Variants in TAFA1 observed in about 807,000 individuals in gnomAD.
TAFA1 encodes TAFA chemokine like family member 1, also known as chemokine-like protein TAFA-1.
TAFA1 carries 4 observed loss-of-function variants against 18.5 expected under a neutral mutation model. That is an observed-to-expected ratio of 0.22 (90% CI 0.11 to 0.49). The LOEUF is 0.49. Ranked by LOEUF, TAFA1 falls within the 20% of genes least tolerant of loss-of-function variation. The probability of loss-of-function intolerance (pLI) is 0.98; values close to 1 mark genes in which losing one functional copy is unlikely to be tolerated. For missense variants in TAFA1, 147 were observed against 169.0 expected, an observed-to-expected ratio of 0.87 and a Z score of 0.72; for synonymous variants, 56 against 55.2, an observed-to-expected ratio of 1.01 and a Z score of -0.06.
intron 2 of TAFA1, among the ~76,000 whole-genome samples, chr3:68,395,148 C>T (rs556156055): frequency 2.0e-5 from 3 of 152,084 alleles, no homozygotes; most frequent in Non-Finnish European, 4.4e-5. Context: ...TAAACAAACA[C>T]TTTTCAAAAG....
intron 2 of TAFA1, among the ~76,000 whole-genome samples, chr3:68,323,623 G>A (rs919718068): frequency 3.9e-5 from 6 of 152,122 alleles, no homozygotes; most frequent in Admixed American, 3.3e-4. Flanking sequence ...AGCTGAAAGG[G>A]GAGGAGGAAG....
At chr3:68,395,781 G>A (rs532593365) in intron 2 of TAFA1, among the ~76,000 whole-genome samples, 69 of 152,074 alleles carry the variant, frequency 4.5e-4, no homozygotes, top group Non-Finnish European at 9.7e-4. Context: ...TCAGGGAGGG[G>A]AATATCACAC....
intron 2 of TAFA1, among the ~76,000 whole-genome samples, chr3:68,191,882 C>T (rs1048727592): frequency 1.3e-5 from 2 of 151,762 alleles, no homozygotes; most frequent in Non-Finnish European, 2.9e-5. Context: ...TTTTCGTAAA[C>T]TCTTCAATGT....
At chr3:68,353,428 A>G (rs564036800) in intron 2 of TAFA1, among the ~76,000 whole-genome samples, 1 of 152,214 alleles carries the variant, frequency 6.6e-6, no homozygotes, top group Admixed American at 6.6e-5. Context: ...CAAGGACATC[A>G]TGTGATTATT....
chr3:68,513,339 G>A (rs919102363), intron 3 of TAFA1, among the ~76,000 whole-genome samples: 7 of 152,132 alleles, frequency 4.6e-5, no homozygotes, highest in African/African-American at 1.7e-4. Flanking sequence ...CTGTAGGGAT[G>A]GAAATGTTCT....
chr3:68,010,495 G>A (rs1320466646), intron 2 of TAFA1, among the ~76,000 whole-genome samples: 4 of 152,286 alleles, frequency 2.6e-5, no homozygotes, highest in East Asian at 3.9e-4. Flanking sequence ...TTGTGAGGCC[G>A]TGAATTTGTG....
At chr3:68,040,502 CTA>C (rs1385957611) in intron 2 of TAFA1, among the ~76,000 whole-genome samples, 1 of 152,096 alleles carries the variant, frequency 6.6e-6, no homozygotes, top group East Asian at 1.9e-4. Flanking sequence ...AAGAAAGTGC[CTA>C]TATTAATACC....
intron 2 of TAFA1, among the ~76,000 whole-genome samples, chr3:68,263,323 A>C (rs1182026578): frequency 6.6e-6 from 1 of 151,988 alleles, no homozygotes; most frequent in Non-Finnish European, 1.5e-5. Context: ...TTGAATAGAG[A>C]CTAGTCTCAT....
chr3:68,099,212 A>G (rs1238174650), intron 2 of TAFA1, among the ~76,000 whole-genome samples: 3 of 152,212 alleles, frequency 2.0e-5, no homozygotes, highest in Admixed American at 1.3e-4. Flanking sequence ...CAATAGAGTA[A>G]ACAGATAACC....
At chr3:68,153,039 A>G (rs1368550808) in intron 2 of TAFA1, among the ~76,000 whole-genome samples, 1 of 152,182 alleles carries the variant, frequency 6.6e-6, no homozygotes, top group Admixed American at 6.6e-5. Context: ...TAGTACAAGG[A>G]GAGGGAATGG....
chr3:68,508,758 A>C (rs1282488627), intron 3 of TAFA1, among the ~76,000 whole-genome samples: 1 of 152,130 alleles, frequency 6.6e-6, no homozygotes, highest in Non-Finnish European at 1.5e-5. Flanking sequence ...AAAATATAGT[A>C]GATTAAGGTA....
intron 3 of TAFA1, among the ~76,000 whole-genome samples, chr3:68,524,102 G>C (rs564751408): frequency 3.2e-4 from 48 of 152,250 alleles, no homozygotes; most frequent in Admixed American, 7.2e-4. Context: ...TGTGTTGCCT[G>C]GGTGGTTTCT....
intron 2 of TAFA1, among the ~76,000 whole-genome samples, chr3:68,290,992 T>TC (rs2068094091): frequency 6.6e-6 from 1 of 152,128 alleles, no homozygotes; most frequent in African/African-American, 2.4e-5. Context: ...TTATTTTTTT[T>TC]CACCTGTAGA....
At chr3:68,222,049 C>G (rs950752131) in intron 2 of TAFA1, among the ~76,000 whole-genome samples, 1 of 152,126 alleles carries the variant, frequency 6.6e-6, no homozygotes, top group Non-Finnish European at 1.5e-5. Context: ...CTAACTTTTT[C>G]ATTTTATTAT....
chr3:68,381,784 C>A (rs1428192709), intron 2 of TAFA1, among the ~76,000 whole-genome samples: 1 of 152,146 alleles, frequency 6.6e-6, no homozygotes, highest in African/African-American at 2.4e-5. Context: ...CCTGATTGCC[C>A]TGGCCAGAAC....
At chr3:68,370,472 G>GTGTATA (rs1248560447) in intron 2 of TAFA1, among the ~76,000 whole-genome samples, 30 of 33,010 alleles carry the variant, frequency 9.1e-4, no homozygotes, top group Non-Finnish European at 9.7e-4. Flanking sequence ...GTGTGTGTGT[G>GTGTATA]TATATATATA....
chr3:68,243,744 A>G (rs2067032551), intron 2 of TAFA1, among the ~76,000 whole-genome samples: 1 of 152,180 alleles, frequency 6.6e-6, no homozygotes, highest in Admixed American at 6.5e-5. Context: ...CATTATAAAT[A>G]AAGAGACCAT....
intron 3 of TAFA1, among the ~76,000 whole-genome samples, chr3:68,531,024 C>G (rs1361150744): frequency 6.6e-6 from 1 of 150,906 alleles, no homozygotes; most frequent in Non-Finnish European, 1.5e-5. Flanking sequence ...AACAACAAAA[C>G]AAAACAAAAC....
At chr3:68,436,482 TGGCTGA>T (rs993620292) in intron 3 of TAFA1, among the ~76,000 whole-genome samples, 2 of 152,102 alleles carry the variant, frequency 1.3e-5, no homozygotes, top group Admixed American at 1.3e-4. Flanking sequence ...CCAATTAGTT[TGGCTGA>T]GGCCTCAGGG....
Sources: gnomAD v4.1 joint callset for allele counts (sites outside exome capture counted in the v4.1 genomes callset) on GRCh38, gnomAD v4.1.1 for gene constraint, MANE v1.5 for transcripts, NCBI Gene and HGNC (gene_info 2026-07-23, HGNC 2026-07-21) for gene names.